Variants in C1QTNF6 observed in about 807,000 individuals in gnomAD.
The protein encoded by C1QTNF6 is C1q and TNF related 6.
A neutral mutation model predicts 20.7 loss-of-function variants in C1QTNF6; 17 were observed. The observed-to-expected ratio is 0.82, with a 90% confidence interval of 0.56 to 1.23. The LOEUF is 1.23. Among genes scored for constraint, C1QTNF6 ranks in the 50% most tolerant of loss-of-function variants. The pLI is 0.00. For missense variants in C1QTNF6, 329 were observed against 389.7 expected (o/e 0.84, Z 1.31); for synonymous variants, 130 against 156.3 (o/e 0.83, Z 1.25).
rs2145762398 is a variant in C1QTNF6, at chr22:37,184,329, A to G, written c.289+889T>C. ...TCTGCAAAGTGGGAGGAATAAGAAA[A>G]TATCGACCTCACGGGCTGTTGTGGG... On this transcript the variant is annotated intron_variant, in intron 2 of 2. Transcript: ENST00000337843. This position sits in a 1 kb window ranked among gnomAD's most constrained non-coding sequence, Gnocchi z 4.0. The G allele has an allele frequency of 4.2e-6, 3 of 716,536 alleles. No individual in the cohort carries two copies. The highest frequency in any genetic ancestry group is 5.2e-6 in the Non-Finnish European group (2 of 384,556). 44.4% of individuals were successfully genotyped at this position (716,536 alleles called of 1,614,324 possible).
At chr22:37,193,940 A>G (rs1924973550) in intron 2 of C1QTNF6, among the ~76,000 whole-genome samples, 1 of 152,232 alleles carries the variant, frequency 6.6e-6, no homozygotes, top group South Asian at 2.1e-4. Flanking sequence ...TTAGCTACTG[A>G]GCCACGGCAC....
At chr22:37,191,641 GATGTT>G (rs1924825971), upstream of C1QTNF6, 1 of 152,084 alleles carries the variant, frequency 6.6e-6, no homozygotes, top group Non-Finnish European at 1.5e-5. Context: ...ATAACTCAAA[GATGTT>G]TTTAAGGGCA....
intron 1 of C1QTNF6, chr22:37,185,812 C>T (rs1000757994): frequency 1.0e-5 from 10 of 1,004,442 alleles, no homozygotes; most frequent in African/African-American, 8.6e-5. Context: ...TGAGAAGATG[C>T]CCCAGCTGGC....
At chr22:37,188,340 G>A (rs1352064169), upstream of C1QTNF6, 3 of 821,086 alleles carry the variant, frequency 3.7e-6, no homozygotes, top group African/African-American at 5.3e-5. Flanking sequence ...GGAGGGAGAG[G>A]GCAGAGCCGC....
chr22:37,195,357 C>G (rs891917119), intron 2 of C1QTNF6: 12 of 152,194 alleles, frequency 7.9e-5, no homozygotes, highest in Non-Finnish European at 1.6e-4. Context: ...ATACATTACC[C>G]AGAATAAAAT....
intron 1 of C1QTNF6, among the ~76,000 whole-genome samples, chr22:37,187,936 A>C (rs1361237285): frequency 2.0e-5 from 3 of 152,108 alleles, no homozygotes; most frequent in Non-Finnish European, 4.4e-5. Flanking sequence ...CAGGCCGTGC[A>C]GAGCTGAGTT....
upstream of C1QTNF6, among the ~76,000 whole-genome samples, chr22:37,198,859 C>G (rs1925311910): frequency 6.6e-6 from 1 of 151,996 alleles, no homozygotes; most frequent in African/African-American, 2.4e-5. Flanking sequence ...GGGCCTGGTT[C>G]TACCGACTCC....
intron 1 of C1QTNF6, chr22:37,186,013 C>T: frequency 1.0e-6 from 1 of 985,362 alleles, no homozygotes; most frequent in Non-Finnish European, 1.2e-6. Flanking sequence ...GATGGGTGGC[C>T]GAGCCCATGC....
upstream of C1QTNF6, among the ~76,000 whole-genome samples, chr22:37,192,916 G>A (rs1924905021): frequency 6.6e-6 from 1 of 152,164 alleles, no homozygotes; most frequent in African/African-American, 2.4e-5. Context: ...CAGTTTCTAA[G>A]GCCTAATAAG....
At position 37,182,592 on chromosome 22, in the gene C1QTNF6, C is replaced by T. The variant is rs758907614; in HGVS notation, c.433G>A (p.Ala145Thr). The T allele has an allele frequency of 8.1e-6, 13 of 1,613,874 alleles. No individual in the cohort carries two copies. The highest frequency in any genetic ancestry group is 1.0e-5 in the Non-Finnish European group (12 of 1,180,042). ...GCCGTCTTGCGGCCCACTGAGAAGG[C>T]GAAGAAGCGCTTCTGGCACGGGGCG... ...PGAPCQKRFF[A>T]FSVGRKTALH... Residue 145 changes from alanine to threonine, a missense_variant, in exon 3 of 3, where the codon GCC (alanine) becomes ACC (threonine). Transcript: ENST00000337843.
upstream of C1QTNF6, chr22:37,190,918 G>A (rs921366507): frequency 1.3e-5 from 2 of 152,128 alleles, no homozygotes; most frequent in Non-Finnish European, 2.9e-5. Context: ...AGAAGGGGGG[G>A]TTTCTTGACT....
chr22:37,191,993 C>T (rs541938113), upstream of C1QTNF6, among the ~76,000 whole-genome samples: 9 of 152,142 alleles, frequency 5.9e-5, no homozygotes, highest in East Asian at 1.6e-3. Context: ...CCTTGTTATA[C>T]TTTTATTCCA....
upstream of C1QTNF6, among the ~76,000 whole-genome samples, chr22:37,191,213 A>G (rs1924801925): frequency 6.6e-6 from 1 of 152,212 alleles, no homozygotes; most frequent in South Asian, 2.1e-4. Context: ...TAAAGAATTA[A>G]TATCATTGAC....
Position 37,184,441 on chromosome 22 carries a change from T to C in C1QTNF6, c.289+777A>G, listed in dbSNP as rs1215121556. On this transcript the variant is annotated intron_variant, in intron 2 of 2. Transcript: ENST00000337843. The surrounding 1 kb of genome is among the most constrained non-coding windows in gnomAD (Gnocchi z 4.0). ...GGGAAGCGAGTCCTTCCACGTCCTA[T>C]TGAGAGAGCGGGTAGCCAGCCCGCA... is the stretch of plus-strand genomic sequence containing the variant. 5.6e-6 allele frequency: 4 copies of C among 716,860 alleles called. No individual in the cohort carries two copies. Among genetic ancestry groups the C allele is most frequent in the East Asian group, 2.7e-5 (1 of 37,238 alleles). The allele number at this position is 716,860 out of a possible 1,614,324, so 44.4% of individuals were successfully genotyped here.
intron 1 of C1QTNF6, chr22:37,186,077 A>AT: frequency 1.0e-6 from 1 of 985,494 alleles, no homozygotes; most frequent in Non-Finnish European, 1.2e-6. Context: ...GAGTTCATTG[A>AT]TCCTAGCAGA....
upstream of C1QTNF6, chr22:37,199,252 C>T (rs1198108419): frequency 6.6e-6 from 1 of 152,340 alleles, no homozygotes; most frequent in African/African-American, 2.4e-5. Flanking sequence ...CCCTCTCCAC[C>T]CGCTTCCCCC....
At position 37,186,274 on chromosome 22, in the gene C1QTNF6, G is replaced by A. The variant is rs529227741; in HGVS notation, c.52-819C>T. Among the ~76,000 whole-genome samples the A allele has an allele frequency of 8.5e-5, 13 of 152,348 alleles. No individual in the cohort carries two copies. In the South Asian group the frequency reaches 2.7e-3, roughly 32 times the overall value. ...TTAGAAATGATAAGAGTCCCCGTTGGAGGGACGTGATGCTGAGGGTGTGCA... is the reference window on the plus strand; with the variant it reads ...TTAGAAATGATAAGAGTCCCCGTTGAAGGGACGTGATGCTGAGGGTGTGCA... On this transcript the variant is annotated intron_variant, in intron 1 of 2. Coordinates refer to ENST00000337843, the MANE Select transcript of C1QTNF6 (RefSeq NM_031910.4).
rs201190967 is a variant in C1QTNF6, at chr22:37,182,379, C to A, written c.646G>T (p.Ala216Ser). ...YVHIMHNQKE[A>S]VILYAQPSER... ...CTGGGCTGCGCGTACAGGATGACAG[C>A]CTCTTTCTGGTTATGCATAATGTGC... The change falls in exon 3 of 3, where the codon GCT becomes TCT. Residue 216 changes from alanine (A) to serine (S), a missense_variant. Coordinates refer to ENST00000337843, the MANE Select transcript of C1QTNF6 (RefSeq NM_031910.4). 6.2e-7 allele frequency: 1 copy of A among 1,614,276 alleles called. No individual in the cohort carries two copies. The highest frequency in any genetic ancestry group is 1.3e-5 in the African/African-American group (1 of 75,080).
At chr22:37,185,498 A>G (rs200567710) in intron 1 of C1QTNF6, 43 bp from the exon 2 acceptor site, 5 of 1,535,840 alleles carry the variant, frequency 3.3e-6, no homozygotes, top group East Asian at 2.3e-5. Context: ...TTCACTCAAC[A>G]TCTACTATGT....
Sources: gnomAD v4.1 joint callset for allele counts (sites outside exome capture counted in the v4.1 genomes callset) on GRCh38, gnomAD v4.1.1 for gene constraint, Gnocchi (gnomAD v3.1) non-coding constraint, MANE v1.5 for transcripts, NCBI Gene and HGNC (gene_info 2026-07-23, HGNC 2026-07-21) for gene names.